DMXL1: variants seen among roughly 807,000 people sequenced by gnomAD.
The protein encoded by DMXL1 is Dmx like 1, also known as dmX-like protein 1.
DMXL1 carries 99 observed loss-of-function variants against 319.2 expected under a neutral mutation model. That is an observed-to-expected ratio of 0.31 (90% CI 0.26 to 0.37). The LOEUF is 0.37. Among genes scored for constraint, DMXL1 ranks in the 10% least tolerant of loss-of-function variants. The probability of loss-of-function intolerance (pLI) is 1.00; values close to 1 mark genes in which losing one functional copy is unlikely to be tolerated. For synonymous variants in DMXL1, 1,385 were observed against 1,235.2 expected, an observed-to-expected ratio of 1.12 and a Z score of -2.54; for missense variants, 3,745 against 3,595.6, an observed-to-expected ratio of 1.04 and a Z score of -1.06.
rs1198786882 is a variant in DMXL1 at position 119,089,766 on chromosome 5, A to G, written c.88-8213A>G. 2.0e-5 allele frequency among the ~76,000 whole-genome samples: 3 copies of G among 151,128 alleles called. No homozygotes were observed. In the East Asian group the frequency reaches 5.9e-4, roughly 30 times the overall value. Reference sequence around the variant, plus strand: ...TCAGCTTTCCTGAGTAGCTGGGATTACAGGCATACGCCACCATACCCAGCT... The same window carrying G: ...TCAGCTTTCCTGAGTAGCTGGGATTGCAGGCATACGCCACCATACCCAGCT... On this transcript the variant is annotated intron_variant, in intron 1 of 43. Coordinates refer to ENST00000539542, the MANE Select transcript of DMXL1 (RefSeq NM_001290321.3).
At chr5:119,100,896 C>G (rs1472492913) in intron 2 of DMXL1, among the ~76,000 whole-genome samples, 5 of 148,716 alleles carry the variant, frequency 3.4e-5, no homozygotes, top group Non-Finnish European at 7.4e-5. Context: ...TCTCCTGCCT[C>G]AGCCTCCCGA....
At chr5:119,170,071 G>A (rs1774244112) in intron 23 of DMXL1, 119 bp from the exon 24 acceptor site, 1 of 999,784 alleles carries the variant, frequency 1.0e-6, no homozygotes, top group Non-Finnish European at 1.4e-6. Flanking sequence ...TGGCCTATTA[G>A]TAAAATTTTG....
intron 19 of DMXL1, among the ~76,000 whole-genome samples, chr5:119,157,625 G>A (rs1408105614): frequency 6.6e-6 from 1 of 152,106 alleles, no homozygotes; most frequent in Admixed American, 6.5e-5. Context: ...AAAATCAATT[G>A]AGTATAAATG....
intron 9 of DMXL1, among the ~76,000 whole-genome samples, chr5:119,123,321 GGGGAGAGGGAGAGGA>G (rs1385009211): frequency 0.023 from 1,755 of 74,920 alleles, 42 homozygotes; most frequent in Non-Finnish European, 0.036. Context: ...ACCGTGGAAA[GGGGAGAGGGAGAGGA>G]GGGAGAGGGA....
At chr5:119,128,317 A>T in intron 9 of DMXL1, 1 of 286,074 alleles carries the variant, frequency 3.5e-6, no homozygotes, top group Non-Finnish European at 6.9e-6. Flanking sequence ...CCCTCTCTTC[A>T]CTGATTTTCT....
chr5:119,185,823 C>G (rs1377813705), intron 28 of DMXL1, among the ~76,000 whole-genome samples: 2 of 151,758 alleles, frequency 1.3e-5, no homozygotes, highest in Non-Finnish European at 2.9e-5. Context: ...TTTTTAATCA[C>G]TAATCTTATT....
intron 19 of DMXL1, among the ~76,000 whole-genome samples, chr5:119,159,817 T>A (rs867672496): frequency 4.6e-5 from 7 of 152,136 alleles, no homozygotes; most frequent in East Asian, 1.9e-4. Flanking sequence ...AGAAACAGGG[T>A]TTTGCCATGT....
intron 3 of DMXL1, among the ~76,000 whole-genome samples, chr5:119,104,881 A>G (rs1420847087): frequency 1.3e-5 from 2 of 152,218 alleles, no homozygotes; most frequent in African/African-American, 4.8e-5. Context: ...TTTAAAATTA[A>G]CTTTTTAACT....
In DMXL1 at chr5:119,118,856, A is replaced by T; in HGVS notation, c.785A>T (p.Asn262Ile). The T allele has an allele frequency of 6.2e-7, 1 of 1,613,854 alleles. No individual in the cohort carries two copies. The highest frequency in any genetic ancestry group is 8.5e-7 in the Non-Finnish European group (1 of 1,179,912). The change falls in exon 8 of 44, where the codon AAT (asparagine) becomes ATT (isoleucine). Residue 262 changes from asparagine (N) to isoleucine (I), a missense_variant. Around this residue, in one of 4 missense-constraint regions of DMXL1, gnomAD observed 2,096 missense variants for 1,985.4 expected, o/e 1.06. Coordinates refer to ENST00000539542, the MANE Select transcript of DMXL1 (RefSeq NM_001290321.3). ...GTACTGTTGACTTGCTGCAAAGATAATGTGTGTCGTCTTTGGGTAGAGACA... is the reference window on the plus strand; with the variant it reads ...GTACTGTTGACTTGCTGCAAAGATATTGTGTGTCGTCTTTGGGTAGAGACA... ...CNVLLTCCKD[N>I]VCRLWVETFL... is the part of the protein sequence containing the mutation.
chr5:119,135,712 G>A (rs1475431780), intron 13 of DMXL1, among the ~76,000 whole-genome samples: 2 of 152,198 alleles, frequency 1.3e-5, no homozygotes, highest in Non-Finnish European at 2.9e-5. Context: ...CTGTGCACGT[G>A]CCGTCTCCTG....
intron 8 of DMXL1, 48 bp from the exon 9 acceptor site, chr5:119,120,923 G>A (rs766298162): frequency 6.8e-7 from 1 of 1,463,154 alleles, no homozygotes; most frequent in Non-Finnish European, 9.3e-7. Flanking sequence ...ACCTATACGT[G>A]TATGACTTTT....
At chr5:119,123,978 G>A (rs1297855626) in intron 9 of DMXL1, among the ~76,000 whole-genome samples, 1 of 150,942 alleles carries the variant, frequency 6.6e-6, no homozygotes, top group Non-Finnish European at 1.5e-5. Context: ...CACTGGATTA[G>A]TACATCAGTG....
chr5:119,097,372 G>A (rs931610091), intron 1 of DMXL1, among the ~76,000 whole-genome samples: 18 of 152,198 alleles, frequency 1.2e-4, no homozygotes, highest in African/African-American at 4.3e-4. Flanking sequence ...AGTAGAATAG[G>A]AGAGAGATGA....
At chr5:119,125,306 A>G (rs1226113356) in intron 9 of DMXL1, among the ~76,000 whole-genome samples, 3 of 152,220 alleles carry the variant, frequency 2.0e-5, no homozygotes, top group Non-Finnish European at 4.4e-5. Context: ...TTGATTCATT[A>G]GCTTTACAGT....
intron 4 of DMXL1, among the ~76,000 whole-genome samples, chr5:119,107,262 G>A (rs181808858): frequency 3.9e-4 from 60 of 152,080 alleles, no homozygotes; most frequent in Non-Finnish European, 5.1e-4. Flanking sequence ...GCTTGTTTGA[G>A]CCCAGGAGGT....
At chr5:119,138,118 A>C (rs575345687) in intron 13 of DMXL1, among the ~76,000 whole-genome samples, 58 of 152,354 alleles carry the variant, frequency 3.8e-4, no homozygotes, top group East Asian at 1.9e-4. Context: ...AACCAATTAC[A>C]GTAGTCCAGG....
chr5:119,213,958 A>G (rs1783232007), intron 34 of DMXL1, among the ~76,000 whole-genome samples: 1 of 152,186 alleles, frequency 6.6e-6, no homozygotes, highest in Non-Finnish European at 1.5e-5. Context: ...ATTGATAACT[A>G]CTGAATTGTC....
intron 39 of DMXL1, among the ~76,000 whole-genome samples, chr5:119,234,174 C>T (rs985240839): frequency 6.6e-6 from 1 of 152,082 alleles, no homozygotes; most frequent in Non-Finnish European, 1.5e-5. Context: ...CAAACTGCCC[C>T]CCTCCCCACT....
chr5:119,122,767 C>T (rs1278505542), intron 9 of DMXL1, among the ~76,000 whole-genome samples: 5 of 151,586 alleles, frequency 3.3e-5, no homozygotes, highest in Admixed American at 2.0e-4. Context: ...AGAGGCGCTC[C>T]TCACTTACTA....
Sources: gnomAD v4.1 joint callset for allele counts (sites outside exome capture counted in the v4.1 genomes callset) on GRCh38, gnomAD v4.1.1 for gene constraint, gnomAD v4.1.1 regional missense constraint, MANE v1.5 for transcripts, NCBI Gene and HGNC (gene_info 2026-07-23, HGNC 2026-07-21) for gene names.